ADGRD1: variants seen among roughly 807,000 people sequenced by gnomAD.
The protein encoded by ADGRD1 is G-protein coupled receptor 133.
ADGRD1 carries 77 observed loss-of-function variants against 113.4 expected under a neutral mutation model. That is an observed-to-expected ratio of 0.68 (90% CI 0.57 to 0.82). ADGRD1 has a LOEUF of 0.82. ADGRD1 is among the 40% of genes least tolerant of loss of function. ADGRD1 has a pLI of 0.00. For missense variants in ADGRD1, 1,036 were observed against 1,139.1 expected, an observed-to-expected ratio of 0.91 and a Z score of 1.30; for synonymous variants, 474 against 475.0, an observed-to-expected ratio of 1.00 and a Z score of 0.03.
At chr12:131,111,788 G>C (rs1188611326) in intron 18 of ADGRD1, among the ~76,000 whole-genome samples, 1 of 151,846 alleles carries the variant, frequency 6.6e-6, no homozygotes, top group African/African-American at 2.4e-5. Flanking sequence ...TTAGAATTTT[G>C]ATCTCTTTGT....
Position 130,966,503 on chromosome 12 carries a change from G to A in ADGRD1, c.144G>A (p.Leu48=). 1.2e-6 allele frequency: 2 copies of A among 1,612,072 alleles called. No homozygotes were observed. Among genetic ancestry groups the A allele is most frequent in the Non-Finnish European group, 1.7e-6 (2 of 1,178,110 alleles). ...CGTCTGCTTCCCATTACTGGCCACT[G>A]GAGAATGTGGATGGGATCCATGAAC... ...VLASASHYWP[L]ENVDGIHELQ... Residue 48 remains leucine, a synonymous_variant, in exon 3 of 25, where the codon CTG becomes CTA. Transcript: ENST00000261654. The surrounding 1 kb of genome is among the most constrained non-coding windows in gnomAD (Gnocchi z 4.6).
chr12:131,127,007 T>C (rs1176318650), intron 20 of ADGRD1, among the ~76,000 whole-genome samples: 2 of 151,478 alleles, frequency 1.3e-5, no homozygotes, highest in African/African-American at 4.9e-5. Flanking sequence ...CGATGCAGGA[T>C]TGGAGGCCAT....
At chr12:131,104,235 C>T (rs1009774495) in intron 15 of ADGRD1, among the ~76,000 whole-genome samples, 13 of 151,868 alleles carry the variant, frequency 8.6e-5, no homozygotes, top group Admixed American at 2.6e-4. Context: ...TGGCCTCAGG[C>T]GGGGGCGGTA....
chr12:131,115,018 A>G (rs542384125), intron 18 of ADGRD1, among the ~76,000 whole-genome samples: 9 of 152,298 alleles, frequency 5.9e-5, no homozygotes, highest in African/African-American at 2.2e-4. Context: ...ACTTAATCTT[A>G]GTTCCAGGCC....
chr12:131,006,897 G>A (rs1318201313), intron 12 of ADGRD1, among the ~76,000 whole-genome samples: 2 of 152,168 alleles, frequency 1.3e-5, no homozygotes, highest in Non-Finnish European at 2.9e-5. Context: ...CAGGAAAATG[G>A]TCAAAGAAAA....
chr12:131,036,293 T>TGGGCCTCACTCACTGCACC (rs1881372884), intron 13 of ADGRD1, among the ~76,000 whole-genome samples: 1 of 147,378 alleles, frequency 6.8e-6, no homozygotes, highest in African/African-American at 2.6e-5. Flanking sequence ...CTCACTGCAC[T>TGGGCCTCACTCACTGCACC]GGGCCTCACT....
intron 13 of ADGRD1, among the ~76,000 whole-genome samples, chr12:131,037,915 C>A (rs1287939485): frequency 6.6e-6 from 1 of 150,668 alleles, no homozygotes; most frequent in African/African-American, 2.4e-5. Context: ...CCGGGTCTCA[C>A]TGCACCAGGA....
At chr12:130,979,918 G>A (rs1489277127) in intron 4 of ADGRD1, among the ~76,000 whole-genome samples, 1 of 152,048 alleles carries the variant, frequency 6.6e-6, no homozygotes, top group African/African-American at 2.4e-5. Flanking sequence ...AGGCAGAGAA[G>A]TGGAATAGAG....
intron 13 of ADGRD1, 142 bp from the exon 14 acceptor site, chr12:131,076,659 A>C (rs1043351590): frequency 7.0e-6 from 5 of 715,550 alleles, no homozygotes; most frequent in Non-Finnish European, 1.3e-5. Flanking sequence ...CACACCCACA[A>C]TGGATGGAGA....
chr12:130,986,929 G>C, intron 5 of ADGRD1, 166 bp from the exon 6 acceptor site: 1 of 613,364 alleles, frequency 1.6e-6, no homozygotes, highest in Non-Finnish European at 2.9e-6. Context: ...GTGCTCCAAA[G>C]GACTGGGGAA....
At chr12:131,026,463 G>C (rs550842565) in intron 13 of ADGRD1, 1 of 152,248 alleles carries the variant, frequency 6.6e-6, no homozygotes, top group Non-Finnish European at 1.5e-5. Context: ...TGACCGCGTG[G>C]AGCCGAGCTC....
At chr12:131,017,268 CCAGTCCACACACACCCAGTGCACA>C (rs1264795318) in intron 13 of ADGRD1, among the ~76,000 whole-genome samples, 8 of 148,896 alleles carry the variant, frequency 5.4e-5, no homozygotes, top group African/African-American at 1.8e-4. Flanking sequence ...CCACACACAC[CCAGTCCACACACACCCAGTGCACA>C]CAGTCCACAC....
At chr12:131,103,776 G>A (rs559083291) in intron 15 of ADGRD1, among the ~76,000 whole-genome samples, 2 of 152,324 alleles carry the variant, frequency 1.3e-5, no homozygotes, top group South Asian at 4.1e-4. Context: ...CGTGGGTCTG[G>A]GGTCTGGGGC....
At chr12:131,031,869 G>A (rs184450834) in intron 13 of ADGRD1, among the ~76,000 whole-genome samples, 16 of 152,170 alleles carry the variant, frequency 1.1e-4, no homozygotes, top group Admixed American at 5.9e-4. Flanking sequence ...TCATTGCCTC[G>A]TCCCCGCACA....
chr12:131,131,745 C>G lies in ADGRD1; in HGVS notation c.2196C>G (p.Ile732Met). The G allele has an allele frequency of 3.1e-6, 5 of 1,610,304 alleles. No individual in the cohort carries two copies. Among genetic ancestry groups the G allele is most frequent in the Non-Finnish European group, 4.2e-6 (5 of 1,178,172 alleles). The change falls in exon 21 of 25, where the codon ATC (isoleucine) becomes ATG (methionine). Residue 732 changes from isoleucine (I) to methionine (M), a missense_variant. Transcript: ENST00000261654. ...TGCAGGTCAACATTGGCATCCTCAT[C>G]GCTGTGACCAGAGTCATCTCACAGA... ...FVIVVNIGILIAVTRVISQIS... is the reference protein window; with the variant it reads ...FVIVVNIGILMAVTRVISQIS...
At chr12:131,030,344 A>G (rs1880555620) in intron 13 of ADGRD1, among the ~76,000 whole-genome samples, 1 of 152,166 alleles carries the variant, frequency 6.6e-6, no homozygotes, top group Non-Finnish European at 1.5e-5. Context: ...GCAGAGGGTA[A>G]ATTAAGAATC....
intron 18 of ADGRD1, 66 bp downstream of exon 18, chr12:131,108,943 G>A: frequency 1.1e-6 from 1 of 891,594 alleles, no homozygotes; most frequent in Non-Finnish European, 1.7e-6. Flanking sequence ...TGGGGATGGG[G>A]CAGGTAGGAC....
intron 13 of ADGRD1, among the ~76,000 whole-genome samples, chr12:131,048,860 G>A (rs993829586): frequency 6.6e-6 from 1 of 152,162 alleles, no homozygotes; most frequent in African/African-American, 2.4e-5. Context: ...GACTGTGCAG[G>A]GAAAGGGCCT....
rs932053694 is a variant in ADGRD1, at chr12:130,998,273, C to T, written c.967-2110C>T. On this transcript the variant is annotated intron_variant, in intron 8 of 24. Coordinates refer to ENST00000261654, the MANE Select transcript of ADGRD1 (RefSeq NM_198827.5). ...GTGCAGACCAAATACAAGACATCTA[C>T]GAGGCAGGCTCAGCCTGTGTGCCAT... 5.9e-5 allele frequency among the ~76,000 whole-genome samples: 9 copies of T among 152,076 alleles called. 1 individual carries two copies. The South Asian group carries it at 1.4e-3, about 24-fold the overall frequency.
Sources: gnomAD v4.1 joint callset for allele counts (sites outside exome capture counted in the v4.1 genomes callset) on GRCh38, gnomAD v4.1.1 for gene constraint, Gnocchi (gnomAD v3.1) non-coding constraint, MANE v1.5 for transcripts, NCBI Gene and HGNC (gene_info 2026-07-23, HGNC 2026-07-21) for gene names.